MYCT1: variants seen among roughly 807,000 people sequenced by gnomAD.
MYCT1 encodes myc target protein 1.
Under a neutral mutation model 15.0 loss-of-function variants are expected in MYCT1, and 12 were observed. The observed-to-expected ratio is 0.80, with a 90% CI of 0.51 to 1.29. MYCT1 has a LOEUF of 1.29. Ranked by LOEUF, MYCT1 falls within the 50% of genes most tolerant of loss-of-function variation. The probability of loss-of-function intolerance (pLI) is 0.00; values close to 1 mark genes in which losing one functional copy is unlikely to be tolerated. For missense variants in MYCT1, 287 were observed against 279.1 expected, an observed-to-expected ratio of 1.03 and a Z score of -0.20; for synonymous variants, 104 against 102.7, an observed-to-expected ratio of 1.01 and a Z score of -0.07.
intron 1 of MYCT1, among the ~76,000 whole-genome samples, chr6:152,712,501 G>A (rs1444459625): frequency 4.2e-5 from 3 of 71,914 alleles, no homozygotes; most frequent in Admixed American, 1.9e-4. Context: ...CGCACGGTGC[G>A]CACACACACT....
At chr6:152,740,846 T>C in the MYCT1 span, among the ~76,000 whole-genome samples, 1 of 152,162 alleles carries the variant, frequency 6.6e-6, no homozygotes, top group Non-Finnish European at 1.5e-5. Flanking sequence ...ATAAGCACAT[T>C]CTTAATAAGA....
chr6:152,745,676 C>T, the MYCT1 span, among the ~76,000 whole-genome samples: 1 of 152,120 alleles, frequency 6.6e-6, no homozygotes, highest in South Asian at 2.1e-4. Flanking sequence ...TGGAGATGGT[C>T]TAGGGCTGGC....
rs774054391 is a variant in MYCT1 at position 152,721,929 on chromosome 6, C to T, written c.384C>T (p.His128=). 2 of 1,614,192 alleles carry T rather than the reference C, an allele frequency of 1.2e-6. No individual in the cohort carries two copies. The highest frequency in any genetic ancestry group is 1.6e-4 in the Middle Eastern group (1 of 6,062). ...HGLNRTGFYR[H]SGCERRSNLS... Reference sequence around the variant, plus strand: ...TCAACAGAACTGGATTTTACCGCCACAGTGGCTGTGAACGTCGAAGCAACC... The same window carrying T: ...TCAACAGAACTGGATTTTACCGCCATAGTGGCTGTGAACGTCGAAGCAACC... The change falls in exon 2 of 2, where the codon CAC becomes CAT. Residue 128 remains histidine, a synonymous_variant. Transcript: ENST00000367245.
At chr6:152,734,672 T>C in the MYCT1 span, among the ~76,000 whole-genome samples, 1 of 152,258 alleles carries the variant, frequency 6.6e-6, no homozygotes, top group Non-Finnish European at 1.5e-5. Context: ...TGACATTTTT[T>C]TTTTTAGGAA....
chr6:152,702,768 G>A (rs1309613097), intron 1 of MYCT1, among the ~76,000 whole-genome samples: 2 of 152,154 alleles, frequency 1.3e-5, no homozygotes, highest in Non-Finnish European at 2.9e-5. Context: ...ATTTTAAAAA[G>A]AAATGTCTGT....
chr6:152,731,316 A>G, the MYCT1 span, among the ~76,000 whole-genome samples: 1 of 152,202 alleles, frequency 6.6e-6, no homozygotes, highest in Admixed American at 6.5e-5. Context: ...TATTTATTAT[A>G]TCATTGCTAA....
chr6:152,706,036 T>C, intron 1 of MYCT1: 3 of 1,085,558 alleles, frequency 2.8e-6, no homozygotes, highest in South Asian at 2.5e-5. Flanking sequence ...ACAGCAGAAA[T>C]TGTAGTCACA....
intron 1 of MYCT1, among the ~76,000 whole-genome samples, chr6:152,700,118 A>G (rs947222737): frequency 6.6e-6 from 1 of 152,182 alleles, no homozygotes; most frequent in Admixed American, 6.6e-5. Context: ...AAATGTGAAT[A>G]AAAATATAAA....
At chr6:152,746,997 G>A in the MYCT1 span, among the ~76,000 whole-genome samples, 2 of 151,886 alleles carry the variant, frequency 1.3e-5, no homozygotes, top group African/African-American at 4.8e-5. Flanking sequence ...AATTCTAATA[G>A]GTAACTTTAA....
intron 1 of MYCT1, among the ~76,000 whole-genome samples, chr6:152,704,800 T>G (rs2099721975): frequency 6.6e-6 from 1 of 152,178 alleles, no homozygotes; most frequent in Non-Finnish European, 1.5e-5. Flanking sequence ...TATTATAAAA[T>G]GATTACCACA....
rs1321162053 is a variant in MYCT1, at chr6:152,712,280, C to T, written c.197-9462C>T. 1.5e-3 allele frequency among the ~76,000 whole-genome samples: 55 copies of T among 35,722 alleles called. 6 individuals are homozygous for T. Among genetic ancestry groups the T allele is most frequent in the African/African-American group, 3.8e-3 (53 of 13,864 alleles). The allele number at this position is 35,722 out of a possible 152,430, so 23.4% of individuals were successfully genotyped here. ...CATTTGCTGAGGAGAGCTTTACTTC[C>T]AACTATGTGGTCAATTTTGGAATAG... On this transcript the variant is annotated intron_variant, in intron 1 of 1. Coordinates refer to ENST00000367245, the MANE Select transcript of MYCT1 (RefSeq NM_025107.3).
At chr6:152,713,864 A>G (rs1241414526) in intron 1 of MYCT1, among the ~76,000 whole-genome samples, 1 of 152,096 alleles carries the variant, frequency 6.6e-6, no homozygotes, top group Non-Finnish European at 1.5e-5. Flanking sequence ...TACCTGTCCC[A>G]GACTGGAAGC....
At chr6:152,708,037 G>C (rs1161654923) in intron 1 of MYCT1, among the ~76,000 whole-genome samples, 1 of 151,662 alleles carries the variant, frequency 6.6e-6, no homozygotes, top group Non-Finnish European at 1.5e-5. Context: ...ACTTTTAGTT[G>C]ATTTAGTTAT....
chr6:152,737,907 C>T, the MYCT1 span, among the ~76,000 whole-genome samples: 219 of 152,138 alleles, frequency 1.4e-3, 1 homozygote, highest in Middle Eastern at 3.4e-3. Context: ...GATTTATTTT[C>T]TTCTCTCAGT....
At chr6:152,726,869 G>C (rs2099725761), downstream of MYCT1, among the ~76,000 whole-genome samples, 1 of 152,080 alleles carries the variant, frequency 6.6e-6, no homozygotes, top group Non-Finnish European at 1.5e-5. Context: ...TGCTGATCTG[G>C]GGTGACTTTA....
chr6:152,714,321 T>G, intron 1 of MYCT1, among the ~76,000 whole-genome samples: 1 of 124,552 alleles, frequency 8.0e-6, no homozygotes, highest in South Asian at 2.7e-4. Flanking sequence ...TTTTTTTTTT[T>G]GCCCCTGTTT....
intron 1 of MYCT1, among the ~76,000 whole-genome samples, chr6:152,701,114 C>A (rs1483363128): frequency 3.3e-5 from 5 of 152,158 alleles, no homozygotes; most frequent in Non-Finnish European, 5.9e-5. Flanking sequence ...AAATGAGGTG[C>A]TATCTGTTCC....
chr6:152,745,492 T>G, the MYCT1 span, among the ~76,000 whole-genome samples: 10 of 152,140 alleles, frequency 6.6e-5, no homozygotes, highest in African/African-American at 2.4e-4. Context: ...CTTGATCATT[T>G]CTAGGTAAAG....
At chr6:152,713,159 T>A (rs1163887425) in intron 1 of MYCT1, among the ~76,000 whole-genome samples, 1 of 152,080 alleles carries the variant, frequency 6.6e-6, no homozygotes, top group African/African-American at 2.4e-5. Context: ...TGGCCGATTC[T>A]TTTCTCTCTC....
Sources: gnomAD v4.1 joint callset for allele counts (sites outside exome capture counted in the v4.1 genomes callset) on GRCh38, gnomAD v4.1.1 for gene constraint, MANE v1.5 for transcripts, NCBI Gene and HGNC (gene_info 2026-07-23, HGNC 2026-07-21) for gene names.